The following TTC27 variants were observed in gnomAD, a reference collection of about 807,000 sequenced individuals.
TTC27 encodes the protein tetratricopeptide repeat protein 27.
A neutral mutation model predicts 115.9 loss-of-function variants in TTC27; 79 were observed. That is an observed-to-expected ratio of 0.68 (90% confidence interval 0.57 to 0.82). The LOEUF is 0.82. Ranked by LOEUF, TTC27 falls within the 40% of genes least tolerant of loss-of-function variation. TTC27 has a pLI of 0.00. For synonymous variants in TTC27, 401 were observed against 356.0 expected, an observed-to-expected ratio of 1.13 and a Z score of -1.42; for missense variants, 1,054 against 993.1, an observed-to-expected ratio of 1.06 and a Z score of -0.82.
chr2:32,637,672 G>T (rs1457767928), intron 3 of TTC27, among the ~76,000 whole-genome samples: 1 of 151,986 alleles, frequency 6.6e-6, no homozygotes, highest in Non-Finnish European at 1.5e-5. Context: ...ATCTTCTTGT[G>T]CTTTACCAGT....
intron 11 of TTC27, among the ~76,000 whole-genome samples, chr2:32,736,067 A>T (rs1297954660): frequency 6.6e-6 from 1 of 151,920 alleles, no homozygotes; most frequent in Non-Finnish European, 1.5e-5. Context: ...AAATCTTTAA[A>T]TTTTTTTTCC....
At chr2:32,756,726 A>T (rs773042610) in intron 12 of TTC27, among the ~76,000 whole-genome samples, 1 of 152,258 alleles carries the variant, frequency 6.6e-6, no homozygotes, top group Non-Finnish European at 1.5e-5. Context: ...TTTAGCTGCT[A>T]AAGGATGGCT....
At chr2:32,737,978 C>T (rs141316670) in intron 12 of TTC27, among the ~76,000 whole-genome samples, 26 of 152,064 alleles carry the variant, frequency 1.7e-4, no homozygotes, top group African/African-American at 3.9e-4. Flanking sequence ...ATCATGCCAC[C>T]GCACTGCAGC....
At chr2:32,718,841 AC>A (rs1483456998) in intron 10 of TTC27, among the ~76,000 whole-genome samples, 2 of 152,246 alleles carry the variant, frequency 1.3e-5, no homozygotes, top group Non-Finnish European at 2.9e-5. Context: ...ATCTGAGGCA[AC>A]TGGGCACTCT....
intron 9 of TTC27, among the ~76,000 whole-genome samples, chr2:32,702,032 CA>C (rs1194581174): frequency 1.4e-5 from 2 of 142,886 alleles, no homozygotes; most frequent in Non-Finnish European, 3.2e-5. Context: ...AAAACAAAAA[CA>C]AAAAAAACCA....
intron 16 of TTC27, among the ~76,000 whole-genome samples, chr2:32,800,900 C>T (rs1037346974): frequency 7.2e-5 from 11 of 152,022 alleles, no homozygotes; most frequent in Non-Finnish European, 8.8e-5. Context: ...TATTTTTATT[C>T]GCTTGGTGAT....
chr2:32,629,162 C>T (rs542694643), intron 1 of TTC27, among the ~76,000 whole-genome samples: 41 of 152,070 alleles, frequency 2.7e-4, no homozygotes, highest in Admixed American at 9.8e-4. Flanking sequence ...CCTCTTGTTG[C>T]TCTGGCTGGA....
chr2:32,629,338 T>G (rs1249100355), intron 1 of TTC27, among the ~76,000 whole-genome samples: 1 of 152,016 alleles, frequency 6.6e-6, no homozygotes, highest in Non-Finnish European at 1.5e-5. Flanking sequence ...CAGGCTGGTC[T>G]GGAACTCCTG....
chr2:32,662,535 G>A (rs1665587822), intron 5 of TTC27, among the ~76,000 whole-genome samples: 1 of 152,150 alleles, frequency 6.6e-6, no homozygotes, highest in Non-Finnish European at 1.5e-5. Flanking sequence ...ATTTCTTCTA[G>A]ATTTTCTAGT....
intron 12 of TTC27, among the ~76,000 whole-genome samples, chr2:32,742,852 A>G (rs979972186): frequency 2.6e-5 from 4 of 152,010 alleles, no homozygotes; most frequent in African/African-American, 9.7e-5. Context: ...GAATTAGACT[A>G]TGGCCAATGT....
In TTC27 at chr2:32,664,419, C is replaced by G; in HGVS notation, c.757C>G (p.Gln253Glu). The part of the protein sequence containing the change: ...YYYEYRKAKD[Q>E]LDIAKDISQL... The stretch of plus-strand genomic sequence containing the variant: ...TTATGAGTACAGAAAAGCAAAAGAT[C>G]AGTTGGATATTGCTAAGGACATCAG... Residue 253 changes from glutamine (Q) to glutamate (E), a missense_variant, in exon 6 of 20, where the codon CAG becomes GAG. Physicochemically the swap from Gln to Glu is conservative, Grantham distance 29 (BLOSUM62 2). Transcript: ENST00000317907. 6.2e-7 allele frequency: 1 copy of G among 1,611,840 alleles called. No homozygotes were observed. The highest frequency in any genetic ancestry group is 8.5e-7 in the Non-Finnish European group (1 of 1,179,368).
intron 1 of TTC27, among the ~76,000 whole-genome samples, chr2:32,630,313 T>A (rs980395642): frequency 1.3e-5 from 2 of 152,200 alleles, no homozygotes; most frequent in African/African-American, 4.8e-5. Flanking sequence ...GGGCTCATAG[T>A]CAGTATGAGT....
intron 10 of TTC27, among the ~76,000 whole-genome samples, chr2:32,726,024 TG>T (rs1024850967): frequency 6.6e-6 from 1 of 152,210 alleles, no homozygotes; most frequent in Non-Finnish European, 1.5e-5. Flanking sequence ...CTGGAATGGC[TG>T]GGACACAGGG....
At chr2:32,723,095 T>C (rs1204734609) in intron 10 of TTC27, among the ~76,000 whole-genome samples, 1 of 152,098 alleles carries the variant, frequency 6.6e-6, no homozygotes, top group Admixed American at 6.5e-5. Flanking sequence ...TAGGTAATAA[T>C]AAAGGAATGT....
chr2:32,707,165 C>G (rs1458275948), intron 10 of TTC27, among the ~76,000 whole-genome samples: 1 of 152,144 alleles, frequency 6.6e-6, no homozygotes, highest in Non-Finnish European at 1.5e-5. Flanking sequence ...CTATTTTCTG[C>G]TGTGATAACA....
chr2:32,786,277 A>G (rs1014686297), intron 15 of TTC27, among the ~76,000 whole-genome samples: 4 of 152,044 alleles, frequency 2.6e-5, no homozygotes, highest in African/African-American at 4.8e-5. Flanking sequence ...ACATGCCACC[A>G]TGCCCAGCTG....
At chr2:32,637,504 G>A (rs142449462) in intron 3 of TTC27, among the ~76,000 whole-genome samples, 149 of 151,948 alleles carry the variant, frequency 9.8e-4, no homozygotes, top group African/African-American at 3.5e-3. Flanking sequence ...GCTAATTTTT[G>A]TATTTTTTAA....
chr2:32,736,080 T>C (rs1300647453), intron 11 of TTC27, among the ~76,000 whole-genome samples: 3 of 152,174 alleles, frequency 2.0e-5, no homozygotes, highest in Non-Finnish European at 1.5e-5. Context: ...TTTTTTCCCT[T>C]TGTGCAGGTG....
At chr2:32,798,844 C>A (rs779580344) in intron 16 of TTC27, among the ~76,000 whole-genome samples, 2 of 151,980 alleles carry the variant, frequency 1.3e-5, no homozygotes, top group Non-Finnish European at 2.9e-5. Context: ...CTTTAAAAAT[C>A]GAAAATGGAA....
Sources: gnomAD v4.1 joint callset for allele counts (sites outside exome capture counted in the v4.1 genomes callset) on GRCh38, gnomAD v4.1.1 for gene constraint, MANE v1.5 for transcripts, NCBI Gene and HGNC (gene_info 2026-07-23, HGNC 2026-07-21) for gene names.